The following GRM5 variants were observed in gnomAD, a reference collection of about 807,000 sequenced individuals.
GRM5 encodes glutamate metabotropic receptor 5, also known as metabotropic glutamate receptor 5.
GRM5 carries 19 observed loss-of-function variants against 83.1 expected under a neutral mutation model. The ratio of observed to expected loss-of-function variants is 0.23; its 90% CI spans 0.16 to 0.34. GRM5 has a LOEUF of 0.34. Ranked by LOEUF, GRM5 falls within the 10% of genes least tolerant of loss-of-function variation. The pLI is 1.00. For synonymous variants in GRM5, 675 were observed against 633.6 expected, an observed-to-expected ratio of 1.07 and a Z score of -0.98; for missense variants, 1,160 against 1,588.3, an observed-to-expected ratio of 0.73 and a Z score of 4.58.
intron 9 of GRM5, among the ~76,000 whole-genome samples, chr11:88,516,044 C>T (rs1380315227): frequency 6.6e-6 from 1 of 152,156 alleles, no homozygotes; most frequent in Non-Finnish European, 1.5e-5. Context: ...TTTTTAATTA[C>T]TTATTTACAA....
At chr11:89,031,799 C>T (rs1280931803) in intron 2 of GRM5, among the ~76,000 whole-genome samples, 1 of 151,810 alleles carries the variant, frequency 6.6e-6, no homozygotes, top group Non-Finnish European at 1.5e-5. Flanking sequence ...AATCATGTAT[C>T]TTTTAAAATA....
intron 8 of GRM5, among the ~76,000 whole-genome samples, chr11:88,565,160 G>A (rs1942848403): frequency 6.6e-6 from 1 of 152,202 alleles, no homozygotes; most frequent in African/African-American, 2.4e-5. Flanking sequence ...GAGAGGTTAA[G>A]TGAATTTGCC....
intron 2 of GRM5, among the ~76,000 whole-genome samples, chr11:88,981,523 T>C (rs1017292013): frequency 1.2e-4 from 18 of 152,290 alleles, no homozygotes; most frequent in African/African-American, 4.3e-4. Flanking sequence ...TACCAAAGGA[T>C]TGCTCTCCAA....
intron 2 of GRM5, among the ~76,000 whole-genome samples, chr11:89,017,144 G>A (rs967662445): frequency 1.3e-5 from 2 of 151,942 alleles, no homozygotes; most frequent in African/African-American, 4.8e-5. Flanking sequence ...CTAAGCAAAC[G>A]TTTGACTCCA....
intron 8 of GRM5, among the ~76,000 whole-genome samples, chr11:88,531,286 A>C (rs10831015): frequency 0.22 from 33,713 of 152,010 alleles, 4,465 homozygotes; most frequent in Non-Finnish European, 0.31. Context: ...ATTTAAGAAA[A>C]CAACAGTAAA....
At chr11:88,701,399 G>A (rs1414831502) in intron 3 of GRM5, among the ~76,000 whole-genome samples, 4 of 152,096 alleles carry the variant, frequency 2.6e-5, no homozygotes, top group Non-Finnish European at 5.9e-5. Flanking sequence ...AATTAGATAA[G>A]CGATCAAGAC....
chr11:88,619,190 A>G (rs542923272), intron 4 of GRM5, among the ~76,000 whole-genome samples: 4 of 152,366 alleles, frequency 2.6e-5, no homozygotes, highest in Admixed American at 2.0e-4. Flanking sequence ...ACTTTGAAGT[A>G]GCTGTTAAAC....
At chr11:88,774,586 T>A (rs544940867) in intron 3 of GRM5, among the ~76,000 whole-genome samples, 1 of 151,960 alleles carries the variant, frequency 6.6e-6, no homozygotes, top group Admixed American at 6.6e-5. Flanking sequence ...GGCTGTGGGT[T>A]TGTCATAAAT....
intron 2 of GRM5, among the ~76,000 whole-genome samples, chr11:88,909,748 A>G (rs1330491157): frequency 2.0e-5 from 3 of 152,054 alleles, no homozygotes; most frequent in African/African-American, 7.2e-5. Context: ...TCTAGCACAA[A>G]TGAGAAACAC....
chr11:88,745,176 ATT>A (rs969785948), intron 3 of GRM5, among the ~76,000 whole-genome samples: 1 of 133,636 alleles, frequency 7.5e-6, no homozygotes, highest in Non-Finnish European at 1.5e-5. Flanking sequence ...ACTTCTCCTA[ATT>A]TTTTTTTCTT....
At chr11:88,830,043 AAAAC>A (rs151030988) in intron 3 of GRM5, among the ~76,000 whole-genome samples, 3,854 of 152,166 alleles carry the variant, frequency 0.025, 169 homozygotes, top group African/African-American at 0.088. Context: ...GACAAAAGGA[AAAAC>A]AAACAAACAA....
At chr11:88,977,582 T>G (rs1939383209) in intron 2 of GRM5, among the ~76,000 whole-genome samples, 1 of 152,224 alleles carries the variant, frequency 6.6e-6, no homozygotes, top group South Asian at 2.1e-4. Flanking sequence ...TATTATCTAC[T>G]TGCTATCAGC....
chr11:88,988,169 G>A (rs1463442332), intron 2 of GRM5, among the ~76,000 whole-genome samples: 1 of 151,710 alleles, frequency 6.6e-6, no homozygotes, highest in Non-Finnish European at 1.5e-5. Context: ...GCTTAAAGGA[G>A]CTGATGGAGC....
chr11:88,598,452 T>C (rs915956375), intron 5 of GRM5, among the ~76,000 whole-genome samples: 3 of 152,152 alleles, frequency 2.0e-5, no homozygotes, highest in African/African-American at 7.2e-5. Flanking sequence ...TTTTTTTTCT[T>C]CAGAATATTA....
intron 2 of GRM5, among the ~76,000 whole-genome samples, chr11:88,964,990 AT>A (rs1938905126): frequency 6.6e-6 from 1 of 152,166 alleles, no homozygotes; most frequent in South Asian, 2.1e-4. Context: ...AAAACAACAT[AT>A]TGAACAAATA....
chr11:88,597,264 C>T lies in GRM5; in HGVS notation c.1483G>A (p.Asp495Asn), dbSNP rs775086610. The change falls in exon 6 of 10, where the codon GAT becomes AAT. Residue 495 changes from aspartate to asparagine, a missense_variant. Asp to Asn is a conservative substitution (Grantham distance 23). This residue lies in a region of GRM5 where 30 missense variants were observed against 19.7 expected (regional missense o/e 1.52). Transcript: ENST00000305447. ...TTCTTGGACCATACTTCATCATCAT[C>T]CATTTTTAATTCTCCATTGTCCCAA... ...GSWDNGELKM[D>N]DDEVWSKKSN... The T allele has an allele frequency of 6.2e-7, 1 of 1,604,596 alleles. No individual in the cohort carries two copies. The highest frequency in any genetic ancestry group is 8.5e-7 in the Non-Finnish European group (1 of 1,171,750).
At chr11:89,050,396 A>G (rs1159472743) in intron 1 of GRM5, among the ~76,000 whole-genome samples, 1 of 152,222 alleles carries the variant, frequency 6.6e-6, no homozygotes, top group Non-Finnish European at 1.5e-5. Flanking sequence ...ATATTCAAGT[A>G]TGAGCAAAAT....
chr11:89,027,160 A>G (rs1402693006), intron 2 of GRM5, among the ~76,000 whole-genome samples: 2 of 151,738 alleles, frequency 1.3e-5, no homozygotes, highest in Non-Finnish European at 2.9e-5. Flanking sequence ...CAGTGGCGCA[A>G]TCTCGGCTCA....
At chr11:88,756,944 ACTC>A (rs554830240) in intron 3 of GRM5, among the ~76,000 whole-genome samples, 22 of 152,256 alleles carry the variant, frequency 1.4e-4, no homozygotes, top group African/African-American at 4.1e-4. Context: ...AGCTCAATGA[ACTC>A]CAATTAAATG....
Sources: gnomAD v4.1 joint callset for allele counts (sites outside exome capture counted in the v4.1 genomes callset) on GRCh38, gnomAD v4.1.1 for gene constraint, gnomAD v4.1.1 regional missense constraint, MANE v1.5 for transcripts, NCBI Gene and HGNC (gene_info 2026-07-23, HGNC 2026-07-21) for gene names.